The following SLC25A48 variants were observed in gnomAD, a reference collection of about 807,000 sequenced individuals.
SLC25A48 encodes the protein solute carrier family 25 member 48.
In SLC25A48, 29 loss-of-function variants were observed where a neutral mutation model predicts 32.2. That is an observed-to-expected ratio of 0.90 (90% CI 0.67 to 1.23). The LOEUF is 1.23. Ranked by LOEUF, SLC25A48 falls within the 50% of genes most tolerant of loss-of-function variation. The pLI is 0.00. For synonymous variants in SLC25A48, 164 were observed against 172.3 expected (o/e 0.95, Z 0.38); for missense variants, 399 against 422.7 (o/e 0.94, Z 0.49).
chr5:135,698,248 A>G (rs146248700), intron 3 of SLC25A48, among the ~76,000 whole-genome samples: 125 of 152,302 alleles, frequency 8.2e-4, no homozygotes, highest in Admixed American at 1.5e-3. Flanking sequence ...TGGTCACTGT[A>G]AGGTCACATT....
At chr5:135,700,078 C>T (rs948648113) in intron 3 of SLC25A48, among the ~76,000 whole-genome samples, 1 of 152,020 alleles carries the variant, frequency 6.6e-6, no homozygotes, top group Non-Finnish European at 1.5e-5. Context: ...GCCTTGCAGT[C>T]CTGCACTTAG....
intron 3 of SLC25A48, chr5:135,653,710 C>T (rs1224700471): frequency 4.7e-6 from 2 of 424,964 alleles, no homozygotes; most frequent in Non-Finnish European, 9.5e-6. Context: ...CCAATCTCCA[C>T]TCCCCATAAG....
chr5:135,589,065 C>G (rs759706502), intron 1 of SLC25A48, among the ~76,000 whole-genome samples: 1 of 152,168 alleles, frequency 6.6e-6, no homozygotes, highest in Non-Finnish European at 1.5e-5. Context: ...AGCCTGTGCC[C>G]GTGCACAGAA....
intron 1 of SLC25A48, among the ~76,000 whole-genome samples, chr5:135,592,863 C>T (rs1355058126): frequency 7.9e-5 from 12 of 152,166 alleles, no homozygotes; most frequent in Admixed American, 7.2e-4. Flanking sequence ...AGCATCAATG[C>T]CTTAAGGCAG....
intron 3 of SLC25A48, chr5:135,812,520 C>T (rs1757613861): frequency 6.6e-6 from 1 of 152,228 alleles, no homozygotes; most frequent in Admixed American, 6.5e-5. Flanking sequence ...TTTCTCCTTT[C>T]AGCTATCATC....
At chr5:135,843,625 C>T (rs929760037) in intron 2 of SLC25A48, among the ~76,000 whole-genome samples, 1 of 152,144 alleles carries the variant, frequency 6.6e-6, no homozygotes, top group Non-Finnish European at 1.5e-5. Flanking sequence ...GGCCTCTCTG[C>T]CAGGGAGGCA....
chr5:135,778,754 G>A (rs375303398), intron 3 of SLC25A48, among the ~76,000 whole-genome samples: 1 of 474 alleles, frequency 2.1e-3, no homozygotes, highest in Non-Finnish European at 5.2e-3. Flanking sequence ...TACTGCAGGG[G>A]ATGTGCACCC....
At chr5:135,655,706 G>A (rs908263052) in intron 3 of SLC25A48, among the ~76,000 whole-genome samples, 12 of 152,216 alleles carry the variant, frequency 7.9e-5, no homozygotes, top group African/African-American at 2.4e-5. Context: ...ATTTTCCACA[G>A]GACTTGGTTT....
chr5:135,887,764 GGCCATCA>G (rs889387567), intron 7 of SLC25A48, among the ~76,000 whole-genome samples: 1 of 152,146 alleles, frequency 6.6e-6, no homozygotes, highest in African/African-American at 2.4e-5. Flanking sequence ...GTTTCACGCA[GGCCATCA>G]GCCACCTGTG....
chr5:135,871,358 A>C, intron 4 of SLC25A48, 103 bp from the exon 5 acceptor site: 1 of 1,382,286 alleles, frequency 7.2e-7, no homozygotes, highest in Middle Eastern at 2.1e-4. Context: ...GATGGGCTAC[A>C]TGAGAGGGAA....
chr5:135,880,780 C>A (rs1762410309), intron 7 of SLC25A48, among the ~76,000 whole-genome samples: 1 of 152,200 alleles, frequency 6.6e-6, no homozygotes, highest in Non-Finnish European at 1.5e-5. Context: ...TAGGTCTTTG[C>A]TCAGGCTGTC....
chr5:135,763,966 G>A (rs1269211567), intron 3 of SLC25A48, among the ~76,000 whole-genome samples: 1 of 152,254 alleles, frequency 6.6e-6, no homozygotes, highest in South Asian at 2.1e-4. Flanking sequence ...TCTGTCTGCC[G>A]GGTTCAAGCA....
At chr5:135,808,466 C>A (rs893996671) in intron 3 of SLC25A48, among the ~76,000 whole-genome samples, 1 of 152,008 alleles carries the variant, frequency 6.6e-6, no homozygotes, top group Non-Finnish European at 1.5e-5. Context: ...CACCTCCCCC[C>A]TCACTTCCCT....
intron 3 of SLC25A48, among the ~76,000 whole-genome samples, chr5:135,799,051 T>A (rs1472951858): frequency 6.6e-6 from 1 of 151,840 alleles, no homozygotes; most frequent in Non-Finnish European, 1.5e-5. Flanking sequence ...GAGAGGATGA[T>A]ATTACTCCCA....
chr5:135,768,963 TA>T (rs911128552), intron 3 of SLC25A48, among the ~76,000 whole-genome samples: 4 of 151,548 alleles, frequency 2.6e-5, no homozygotes, highest in African/African-American at 9.7e-5. Flanking sequence ...GTAATATTCA[TA>T]GGGGGAGAGG....
At chr5:135,638,740 C>T (rs779705625) in intron 3 of SLC25A48, among the ~76,000 whole-genome samples, 3 of 152,126 alleles carry the variant, frequency 2.0e-5, no homozygotes, top group South Asian at 2.1e-4. Flanking sequence ...CCAAATATAA[C>T]GTCTTATGAT....
intron 3 of SLC25A48, among the ~76,000 whole-genome samples, chr5:135,731,818 A>C (rs553470656): frequency 2.0e-5 from 3 of 152,248 alleles, no homozygotes; most frequent in Non-Finnish European, 4.4e-5. Flanking sequence ...AGAGGGAGTT[A>C]AGAGTGGCTG....
In SLC25A48 at chr5:135,861,139, T is replaced by C. The variant is rs188057549; in HGVS notation, c.421+8318T>C. Among the ~76,000 whole-genome samples the C allele has an allele frequency of 4.6e-4, 70 of 152,290 alleles. 1 individual carries two copies. The highest frequency in any genetic ancestry group is 1.0e-3 in the South Asian group (5 of 4,828). On this transcript the variant is annotated intron_variant, in intron 4 of 7. Transcript: ENST00000681962. ...TGTTTATTTTTCCATTCTGTATACA[T>C]AGATTAAAGATTTTAAGAAGCTGTG...
intron 3 of SLC25A48, among the ~76,000 whole-genome samples, chr5:135,721,271 G>T (rs1459657758): frequency 3.1e-5 from 4 of 131,064 alleles, no homozygotes; most frequent in Non-Finnish European, 6.2e-5. Flanking sequence ...GCGTGATCTT[G>T]GCTCACTGAA....
Sources: allele counts gnomAD v4.1 joint callset (sites outside exome capture counted in the v4.1 genomes callset), GRCh38; gene constraint gnomAD v4.1.1; transcripts MANE v1.5; gene names NCBI Gene and HGNC (gene_info 2026-07-23, HGNC 2026-07-21).